ITPRID2: variants seen among roughly 807,000 people sequenced by gnomAD.
The protein encoded by ITPRID2 is ITPR interacting domain containing 2.
ITPRID2 carries 60 observed loss-of-function variants against 124.3 expected under a neutral mutation model. The observed-to-expected ratio is 0.48, with a 90% CI of 0.39 to 0.60. ITPRID2 has a LOEUF of 0.60. Among genes scored for constraint, ITPRID2 ranks in the 20% least tolerant of loss-of-function variants. The pLI, the probability that ITPRID2 is intolerant of heterozygous loss-of-function variation, is 0.00. For missense variants in ITPRID2, 1,553 were observed against 1,512.2 expected (o/e 1.03, Z -0.45); for synonymous variants, 521 against 542.9 (o/e 0.96, Z 0.56).
chr2:181,893,624 T>A (rs1054325620), intron 2 of ITPRID2: 1 of 152,212 alleles, frequency 6.6e-6, no homozygotes, highest in Non-Finnish European at 1.5e-5. Context: ...TCGTACCCTT[T>A]ATTGGAAGTG....
chr2:181,908,924 A>T (rs1365680636), intron 8 of ITPRID2, among the ~76,000 whole-genome samples: 1 of 151,948 alleles, frequency 6.6e-6, no homozygotes, highest in South Asian at 2.1e-4. Context: ...GATGTTCTTT[A>T]TGATTTAAGA....
At chr2:181,912,287 G>A (rs927417941) in intron 9 of ITPRID2, among the ~76,000 whole-genome samples, 3 of 152,128 alleles carry the variant, frequency 2.0e-5, no homozygotes, top group African/African-American at 4.8e-5. Flanking sequence ...ATGAAAATAC[G>A]TAATTATAGT....
Position 181,913,854 on chromosome 2 carries a change from T to TA in ITPRID2, c.1497dup (p.Arg500ThrfsTer9), listed in dbSNP as rs1184302648. 5.6e-6 allele frequency: 9 copies of TA among 1,612,644 alleles called. No homozygotes were observed. The highest frequency in any genetic ancestry group is 7.6e-6 in the Non-Finnish European group (9 of 1,179,318). On this transcript the variant is annotated frameshift_variant, in exon 10 of 18. Transcript: ENST00000431877. LOFTEE classifies it high-confidence loss of function. ...ATTTTTTTATTCATAGATCATCTGT[T>TA]ACGTACTGCAAGTCAGCATTCCGAT...
intron 8 of ITPRID2, among the ~76,000 whole-genome samples, chr2:181,909,396 G>A (rs1693420590): frequency 6.6e-6 from 1 of 152,180 alleles, no homozygotes; most frequent in Non-Finnish European, 1.5e-5. Context: ...TGGTCATAAT[G>A]TGCTGTAGTG....
chr2:181,900,830 G>C lies in ITPRID2; in HGVS notation c.638G>C (p.Gly213Ala). Residue 213 changes from glycine (G) to alanine (A), a missense_variant, in exon 7 of 18, where the codon GGG becomes GCG. Transcript: ENST00000431877. ...TTTAATTCATCATCCTTTGCCAAAGGGATAGATATTAAAGTATTTTTGAGT... is the reference window on the plus strand; with the variant it reads ...TTTAATTCATCATCCTTTGCCAAAGCGATAGATATTAAAGTATTTTTGAGT... ...RFFNSSSFAKGIDIKVFLSAQ... is the reference protein window; with the variant it reads ...RFFNSSSFAKAIDIKVFLSAQ... The C allele has an allele frequency of 6.2e-7, 1 of 1,613,160 alleles. No individual in the cohort carries two copies. The highest frequency in any genetic ancestry group is 1.7e-5 in the Admixed American group (1 of 59,916).
rs189712465 is a variant in ITPRID2, at chr2:181,930,046, A to T, written c.*499A>T. ...AAGAAAAACTGTTCTGTTGTAAAAA[A>T]TATAATTGCTCTTAATTCTTGGGGA... On this transcript the variant is annotated 3_prime_UTR_variant, in exon 18 of 18. Transcript: ENST00000431877. The T allele has an allele frequency of 1.9e-5, 3 of 154,144 alleles. No homozygotes were observed. Among genetic ancestry groups the T allele is most frequent in the Admixed American group, 6.5e-5 (1 of 15,372 alleles). 9.5% of individuals were successfully genotyped at this position (154,144 alleles called of 1,614,324 possible). A position where few individuals can be genotyped will look rare whatever the true frequency, so the allele number is the denominator to read the frequency against.
At position 181,896,584 on chromosome 2, in the gene ITPRID2, G is replaced by A. The variant is rs1019685822; in HGVS notation, c.308-324G>A. Among the ~76,000 whole-genome samples the A allele has an allele frequency of 6.6e-6, 1 of 151,968 alleles. No homozygotes were observed. The highest frequency in any genetic ancestry group is 2.4e-5 in the African/African-American group (1 of 41,424). On this transcript the variant is annotated intron_variant, in intron 3 of 17. Transcript: ENST00000431877. The surrounding 1 kb of genome is among the most constrained non-coding windows in gnomAD (Gnocchi z 4.3). ...TGACTTAATATGAGATGGATAAGAA[G>A]AATATTTGCTCCAGGATCTGGTTTT... is the stretch of plus-strand genomic sequence containing the variant.
chr2:181,892,305 G>C lies in ITPRID2; in HGVS notation c.211+28G>C, dbSNP rs369175254. ...CGGTGCTCCCGGCCGGGCTCCGGGG[G>C]GAGGCTGGTGGGCTGGGGAGAGTCT... On this transcript the variant is annotated intron_variant, in intron 1 of 17. Transcript: ENST00000431877. The surrounding 1 kb of genome is among the most constrained non-coding windows in gnomAD (Gnocchi z 5.2). 1 of 1,528,346 alleles carries C rather than the reference G, an allele frequency of 6.5e-7. No individual in the cohort carries two copies. Among genetic ancestry groups the C allele is most frequent in the African/African-American group, 1.4e-5 (1 of 72,898 alleles). 94.7% of individuals were successfully genotyped at this position (1,528,346 alleles called of 1,614,324 possible).
chr2:181,916,764 A>G, intron 11 of ITPRID2: 2 of 886,042 alleles, frequency 2.3e-6, no homozygotes, highest in Non-Finnish European at 2.8e-6. Flanking sequence ...TTATTAAAAA[A>G]TCTTCCCTCT....
chr2:181,901,916 G>A lies in ITPRID2; in HGVS notation c.863G>A (p.Arg288Gln), dbSNP rs777870206. The A allele has an allele frequency of 7.4e-6, 12 of 1,613,752 alleles. No homozygotes were observed. The highest frequency in any genetic ancestry group is 3.3e-5 in the Admixed American group (2 of 59,936). ...ACAGACCCACCTCCACCTTTAACTC[G>A]AAGTAACACTGCAAATCGTTTAATG... Reference protein sequence around the residue: ...KETDPPPPLTRSNTANRLMKT... With the variant: ...KETDPPPPLTQSNTANRLMKT... The change falls in exon 8 of 18, where the codon CGA becomes CAA. Residue 288 changes from arginine (R) to glutamine (Q), a missense_variant. Arg to Gln is a conservative substitution (Grantham distance 43). Transcript: ENST00000431877.
intron 8 of ITPRID2, among the ~76,000 whole-genome samples, chr2:181,909,505 T>G (rs1197901962): frequency 6.6e-6 from 1 of 152,240 alleles, no homozygotes; most frequent in African/African-American, 2.4e-5. Context: ...AGCAACATTT[T>G]TTTTGAATGA....
chr2:181,899,200 T>C, intron 6 of ITPRID2, 88 bp downstream of exon 6: 1 of 905,736 alleles, frequency 1.1e-6, no homozygotes, highest in South Asian at 1.8e-5. Context: ...TTGACCTTGA[T>C]CATATGAAAT....
At chr2:181,916,939 CAG>C (rs750440279) in intron 11 of ITPRID2, 150 of 990,450 alleles carry the variant, frequency 1.5e-4, no homozygotes, top group Non-Finnish European at 1.7e-4. Context: ...ATGCTGTGCA[CAG>C]AGTTAGTCTA....
Position 181,913,871 on chromosome 2 carries a change from C to A in ITPRID2, c.1513C>A (p.His505Asn), listed in dbSNP as rs775262552. The A allele has an allele frequency of 6.2e-7, 1 of 1,613,114 alleles. No homozygotes were observed. Among genetic ancestry groups the A allele is most frequent in the African/African-American group, 1.3e-5 (1 of 74,916 alleles). ...TCATCTGTTACGTACTGCAAGTCAG[C>A]ATTCCGATAGCAGTGGTTTTGCTGA... is the stretch of plus-strand genomic sequence containing the variant. ...RDHLLRTASQHSDSSGFAEDS... is the reference protein window; with the variant it reads ...RDHLLRTASQNSDSSGFAEDS... The change falls in exon 10 of 18, where the codon CAT becomes AAT. Residue 505 changes from histidine (H) to asparagine (N), a missense_variant. Coordinates refer to ENST00000431877, the MANE Select transcript of ITPRID2 (RefSeq NM_001130445.3).
rs1394559042 is a variant in ITPRID2 at position 181,915,977 on chromosome 2, G to A, written c.2337G>A (p.Glu779=). 9.9e-6 allele frequency: 16 copies of A among 1,614,204 alleles called. No homozygotes were observed. Among genetic ancestry groups the A allele is most frequent in the Non-Finnish European group, 1.3e-5 (15 of 1,180,034 alleles). Residue 779 remains glutamate (E), a synonymous_variant, in exon 11 of 18, where the codon GAG becomes GAA. Transcript: ENST00000431877. ...TCACCTATAAGTACACACCTGAAGA[G>A]GAGCAGGAATTGGAAAAGCGGGTGA... ...PSFTYKYTPE[E]EQELEKRVME...
Position 181,892,737 on chromosome 2 carries a change from G to T in ITPRID2, c.257+77G>T, listed in dbSNP as rs938134049. The T allele has an allele frequency of 1.4e-5, 22 of 1,557,468 alleles. No homozygotes were observed. Among genetic ancestry groups the T allele is most frequent in the Middle Eastern group, 1.7e-4 (1 of 5,966 alleles). On this transcript the variant is annotated intron_variant, in intron 2 of 17. Transcript: ENST00000431877. The surrounding 1 kb of genome is among the most constrained non-coding windows in gnomAD (Gnocchi z 5.2). ...ACGCCGGAGCAGAGCCACTCGGGCC[G>T]CGTCCCTGTGGGTCCCGCGACCGTT... is the stretch of plus-strand genomic sequence containing the variant.
intron 11 of ITPRID2, chr2:181,918,274 A>G: frequency 9.2e-7 from 1 of 1,081,524 alleles, no homozygotes; most frequent in Non-Finnish European, 1.1e-6. Flanking sequence ...TCATGATGAT[A>G]TTTGCAATGG....
At position 181,922,424 on chromosome 2, in the gene ITPRID2, C is replaced by T. The variant is rs768663520; in HGVS notation, c.3675+12C>T. 6.3e-7 allele frequency: 1 copy of T among 1,586,074 alleles called. No individual in the cohort carries two copies. The highest frequency in any genetic ancestry group is 2.2e-5 in the East Asian group (1 of 44,478). Reference sequence around the variant, plus strand: ...AAGTCATACGGGAGGTGGGTAAAATCTGTGTTTCATTCATTTATTTGGAGG... The same window carrying T: ...AAGTCATACGGGAGGTGGGTAAAATTTGTGTTTCATTCATTTATTTGGAGG... On this transcript the variant is annotated intron_variant, in intron 16 of 17. Transcript: ENST00000431877.
rs774504763 is a variant in ITPRID2 at position 181,917,076 on chromosome 2, G to A, written c.2787+649G>A. 36 of 934,374 alleles carry A rather than the reference G, an allele frequency of 3.9e-5. No individual in the cohort carries two copies. In the Middle Eastern group the frequency reaches 1.7e-3, roughly 43 times the overall value. The allele number at this position is 934,374 out of a possible 1,614,324, so 57.9% of individuals were successfully genotyped here. The stretch of plus-strand genomic sequence containing the variant: ...TTTAAAGTCATTCTCAGATTTGTTA[G>A]TAGACTGGAAATAATTTTCCCAAAA... On this transcript the variant is annotated intron_variant, in intron 11 of 17. Coordinates refer to ENST00000431877, the MANE Select transcript of ITPRID2 (RefSeq NM_001130445.3).
Sources: allele counts gnomAD v4.1 joint callset (sites outside exome capture counted in the v4.1 genomes callset), GRCh38; gene constraint gnomAD v4.1.1; non-coding constraint Gnocchi (gnomAD v3.1); transcripts MANE v1.5; gene names NCBI Gene and HGNC (gene_info 2026-07-23, HGNC 2026-07-21).